The following ZYG11B variants were observed in gnomAD, a reference collection of about 807,000 sequenced individuals.
The protein encoded by ZYG11B is zyg-11 family member B, cell cycle regulator.
ZYG11B carries 36 observed loss-of-function variants against 82.4 expected under a neutral mutation model. The observed-to-expected ratio is 0.44, with a 90% CI of 0.33 to 0.58. ZYG11B has a LOEUF of 0.58. Among genes scored for constraint, ZYG11B ranks in the 20% least tolerant of loss-of-function variants. The pLI is 0.02. For missense variants in ZYG11B, 552 were observed against 895.6 expected (o/e 0.62, Z 4.90); for synonymous variants, 303 against 312.8 (o/e 0.97, Z 0.33).
Position 52,771,043 on chromosome 1 carries a change from G to A in ZYG11B, c.220G>A (p.Gly74Ser), listed in dbSNP as rs1310015955. 4.3e-6 allele frequency: 7 copies of A among 1,612,734 alleles called. No homozygotes were observed. Among genetic ancestry groups the A allele is most frequent in the Admixed American group, 1.7e-5 (1 of 59,962 alleles). ...AGGTCTATTGAATGATGGAACTGTG[G>A]GTATTTTTAGGGGCAACCAGATGCG... ...FHGLLNDGTV[G>S]IFRGNQMRLK... The change falls in exon 3 of 14, where the codon GGT becomes AGT. Residue 74 changes from glycine to serine, a missense_variant. Coordinates refer to ENST00000294353, the MANE Select transcript of ZYG11B (RefSeq NM_024646.3). The surrounding 1 kb of genome is among the most constrained non-coding windows in gnomAD (Gnocchi z 5.4).
At chr1:52,743,748 T>C (rs1389705279) in intron 1 of ZYG11B, among the ~76,000 whole-genome samples, 2 of 152,128 alleles carry the variant, frequency 1.3e-5, no homozygotes, top group Non-Finnish European at 2.9e-5. Context: ...ATAAATTTAG[T>C]GTAGCTTAAG....
chr1:52,731,799 T>TTTTA (rs1449715405), intron 1 of ZYG11B, among the ~76,000 whole-genome samples: 1 of 152,146 alleles, frequency 6.6e-6, no homozygotes, highest in Non-Finnish European at 1.5e-5. Context: ...CACTAATAGC[T>TTTTA]TTTATTTATT....
At chr1:52,731,689 T>C (rs1342650218) in intron 1 of ZYG11B, among the ~76,000 whole-genome samples, 1 of 152,182 alleles carries the variant, frequency 6.6e-6, no homozygotes, top group Admixed American at 6.6e-5. Context: ...ACAATAGTTA[T>C]ATAATAAATA....
At chr1:52,747,147 A>T (rs1341668227) in intron 1 of ZYG11B, among the ~76,000 whole-genome samples, 1 of 152,040 alleles carries the variant, frequency 6.6e-6, no homozygotes, top group African/African-American at 2.4e-5. Context: ...AATGTGTTGT[A>T]TGAATGTTGA....
At chr1:52,797,135 T>G (rs1571786953) in intron 8 of ZYG11B, among the ~76,000 whole-genome samples, 1 of 68,838 alleles carries the variant, frequency 1.5e-5, no homozygotes, top group Non-Finnish European at 2.3e-5. Flanking sequence ...ATTATATATT[T>G]ATATATTATA....
chr1:52,807,083 G>A (rs1369361942), intron 10 of ZYG11B, among the ~76,000 whole-genome samples: 2 of 151,962 alleles, frequency 1.3e-5, no homozygotes, highest in East Asian at 1.9e-4. Flanking sequence ...TGGCCAGGGT[G>A]GTCTCAAACT....
intron 4 of ZYG11B, 79 bp downstream of exon 4, chr1:52,780,072 A>T: frequency 1.4e-6 from 2 of 1,429,240 alleles, no homozygotes; most frequent in East Asian, 2.3e-5. Flanking sequence ...ATTGGTGAAA[A>T]TTTGCATTTA....
chr1:52,814,130 C>T (rs946719004), intron 12 of ZYG11B, among the ~76,000 whole-genome samples: 1 of 152,118 alleles, frequency 6.6e-6, no homozygotes. Flanking sequence ...AAGCAATTCC[C>T]CTGCCTCAGC....
At position 52,798,015 on chromosome 1, in the gene ZYG11B, C is replaced by G. The variant is rs550535679; in HGVS notation, c.1485+1231C>G. Among the ~76,000 whole-genome samples the G allele has an allele frequency of 6.6e-5, 10 of 151,928 alleles. No homozygotes were observed. In the East Asian group the frequency reaches 1.7e-3, roughly 27 times the overall value. On this transcript the variant is annotated intron_variant, in intron 8 of 13. Coordinates refer to ENST00000294353, the MANE Select transcript of ZYG11B (RefSeq NM_024646.3). ...GCACATGCCCGTGGTTCCAACTACT[C>G]AAGAGGCTGAGGTGGGAGGATCACT...
Position 52,726,596 on chromosome 1 carries a change from G to A in ZYG11B, c.-58G>A. ...GGAGCCTCCTGGAGCCTCCGCGCCG[G>A]CTCAGCCTGGGGGCGGGCTCCGGTC... On this transcript the variant is annotated 5_prime_UTR_variant, in exon 1 of 14. Coordinates refer to ENST00000294353, the MANE Select transcript of ZYG11B (RefSeq NM_024646.3). 7.3e-7 allele frequency: 1 copy of A among 1,372,706 alleles called. No individual in the cohort carries two copies. Among genetic ancestry groups the A allele is most frequent in the Non-Finnish European group, 9.3e-7 (1 of 1,071,436 alleles). The allele number at this position is 1,372,706 out of a possible 1,614,324, so 85.0% of individuals were successfully genotyped here. A position where few individuals can be genotyped will look rare whatever the true frequency, so the allele number is the denominator to read the frequency against.
At chr1:52,795,186 G>A (rs1002617129) in intron 6 of ZYG11B, among the ~76,000 whole-genome samples, 11 of 152,032 alleles carry the variant, frequency 7.2e-5, no homozygotes, top group Non-Finnish European at 1.2e-4. Context: ...ACCATCCCCC[G>A]AGTGCTGTCT....
intron 2 of ZYG11B, among the ~76,000 whole-genome samples, chr1:52,763,227 TATG>T (rs1644650103): frequency 6.6e-6 from 1 of 152,190 alleles, no homozygotes; most frequent in Non-Finnish European, 1.5e-5. Context: ...AGTCTGGTAG[TATG>T]ATGCCTCCAG....
intron 4 of ZYG11B, 71 bp downstream of exon 4, chr1:52,780,064 T>C (rs79432415): frequency 5.3e-6 from 8 of 1,497,280 alleles, no homozygotes; most frequent in South Asian, 3.8e-5. Context: ...TGAAGAAAAT[T>C]GGTGAAAATT....
intron 3 of ZYG11B, among the ~76,000 whole-genome samples, chr1:52,778,854 G>C (rs1477222362): frequency 6.6e-6 from 1 of 152,102 alleles, no homozygotes; most frequent in African/African-American, 2.4e-5. Flanking sequence ...TGCTGAAAAG[G>C]AGCGTGATAA....
At chr1:52,816,777 ATTC>A (rs1571803047) in intron 13 of ZYG11B, 148 bp downstream of exon 13, 61 of 363,958 alleles carry the variant, frequency 1.7e-4, no homozygotes, top group Middle Eastern at 8.7e-4. Flanking sequence ...AACTTAAGGT[ATTC>A]TTTTTTTTTT....
In ZYG11B at chr1:52,746,687, GTTTTTTTTT is replaced by G. The variant is rs11446988; in HGVS notation, c.31-9752_31-9744del. On this transcript the variant is annotated intron_variant, in intron 1 of 13. Transcript: ENST00000294353. ...ACCAAAAAAATAAAGATCGGCCACT[GTTTTTTTTT>G]TTTTTTTTTTTTTTTTTTGCGGCTG... 0.022 allele frequency among the ~76,000 whole-genome samples: 747 copies of G among 33,544 alleles called. 54 individuals carry two copies. The East Asian group carries it at 0.38, about 17-fold the overall frequency. 22.0% of individuals were successfully genotyped at this position (33,544 alleles called of 152,430 possible). A position where few individuals can be genotyped will look rare whatever the true frequency, so the allele number is the denominator to read the frequency against.
At chr1:52,805,176 C>T (rs1645132205) in intron 10 of ZYG11B, 3 of 232,478 alleles carry the variant, frequency 1.3e-5, no homozygotes, top group East Asian at 1.1e-4. Context: ...TTCACTGTAC[C>T]GTTCCAATTT....
chr1:52,739,311 A>G (rs1321197169), intron 1 of ZYG11B, among the ~76,000 whole-genome samples: 1 of 152,092 alleles, frequency 6.6e-6, no homozygotes, highest in East Asian at 1.9e-4. Context: ...AAACTTTCAC[A>G]AGTCATTTTA....
At chr1:52,739,985 A>AT (rs1431224197) in intron 1 of ZYG11B, among the ~76,000 whole-genome samples, 40 of 152,004 alleles carry the variant, frequency 2.6e-4, no homozygotes, top group African/African-American at 9.2e-4. Flanking sequence ...TTTAGCTTCA[A>AT]TTTTTCAGAT....
Sources: gnomAD v4.1 joint callset for allele counts (sites outside exome capture counted in the v4.1 genomes callset) on GRCh38, gnomAD v4.1.1 for gene constraint, Gnocchi (gnomAD v3.1) non-coding constraint, MANE v1.5 for transcripts, NCBI Gene and HGNC (gene_info 2026-07-23, HGNC 2026-07-21) for gene names.